Variants in LRRC4C observed in about 807,000 individuals in gnomAD.
LRRC4C encodes leucine rich repeat containing 4C.
In LRRC4C, 5 loss-of-function variants were observed where a neutral mutation model predicts 33.6. The ratio of observed to expected loss-of-function variants is 0.15; its 90% CI spans 0.08 to 0.31. The LOEUF is 0.31. Ranked by LOEUF, LRRC4C falls within the 10% of genes least tolerant of loss-of-function variation. LRRC4C has a pLI of 1.00. For missense variants in LRRC4C, 560 were observed against 796.7 expected (o/e 0.70, Z 3.58); for synonymous variants, 329 against 302.0 (o/e 1.09, Z -0.93).
At chr11:41,099,016 C>T (rs1406694816) in intron 1 of LRRC4C, among the ~76,000 whole-genome samples, 1 of 151,988 alleles carries the variant, frequency 6.6e-6, no homozygotes, top group Non-Finnish European at 1.5e-5. Context: ...TACTCTGACT[C>T]CACAGAAATA....
chr11:41,242,607 T>C (rs1565511090), intron 1 of LRRC4C, among the ~76,000 whole-genome samples: 1 of 152,192 alleles, frequency 6.6e-6, no homozygotes. Flanking sequence ...AAGCATCACA[T>C]GAATAATTTA....
At chr11:40,117,482 C>T (rs1470794362) in intron 6 of LRRC4C, among the ~76,000 whole-genome samples, 2 of 152,214 alleles carry the variant, frequency 1.3e-5, no homozygotes, top group East Asian at 3.9e-4. Context: ...TGTCTTGTGT[C>T]CCTACTCTTA....
intron 2 of LRRC4C, among the ~76,000 whole-genome samples, chr11:40,858,850 G>T (rs1243406788): frequency 6.6e-6 from 1 of 152,060 alleles, no homozygotes; most frequent in Non-Finnish European, 1.5e-5. Context: ...CCATTGTTCT[G>T]ATTATCTGGG....
At chr11:40,542,474 A>G (rs11035912) in intron 3 of LRRC4C, among the ~76,000 whole-genome samples, 13,533 of 152,042 alleles carry the variant, frequency 0.089, 1,723 homozygotes, top group African/African-American at 0.28. Context: ...GATTGTGGGT[A>G]TACCTTATAT....
intron 1 of LRRC4C, among the ~76,000 whole-genome samples, chr11:41,078,939 C>G (rs1939358894): frequency 6.6e-6 from 1 of 152,172 alleles, no homozygotes; most frequent in African/African-American, 2.4e-5. Context: ...CAATAACCTC[C>G]TAAAGTGTTT....
intron 2 of LRRC4C, among the ~76,000 whole-genome samples, chr11:40,702,846 ATC>A (rs1227022288): frequency 1.3e-5 from 2 of 152,112 alleles, no homozygotes; most frequent in African/African-American, 4.8e-5. Flanking sequence ...TGAATTCAAT[ATC>A]TTTGGACCCC....
chr11:41,346,121 A>G (rs1951796128), intron 1 of LRRC4C, among the ~76,000 whole-genome samples: 1 of 152,170 alleles, frequency 6.6e-6, no homozygotes, highest in African/African-American at 2.4e-5. Flanking sequence ...ATTATATTCT[A>G]TATCAGGCCC....
intron 2 of LRRC4C, among the ~76,000 whole-genome samples, chr11:40,803,914 A>G (rs577277135): frequency 8.5e-4 from 130 of 152,350 alleles, no homozygotes; most frequent in East Asian, 5.8e-4. Context: ...TTTGTGTTAC[A>G]AACAATCCAA....
intron 2 of LRRC4C, among the ~76,000 whole-genome samples, chr11:40,859,801 A>G (rs1231672842): frequency 6.6e-6 from 1 of 152,152 alleles, no homozygotes; most frequent in Non-Finnish European, 1.5e-5. Flanking sequence ...ATGAGGCCGG[A>G]CGCGGTGGCT....
At chr11:41,266,243 T>C (rs943347412) in intron 1 of LRRC4C, among the ~76,000 whole-genome samples, 3 of 152,142 alleles carry the variant, frequency 2.0e-5, no homozygotes, top group Non-Finnish European at 2.9e-5. Flanking sequence ...CAAGGGCAAA[T>C]AGCCTCTGAC....
At chr11:40,331,052 A>G (rs1202743507) in intron 3 of LRRC4C, among the ~76,000 whole-genome samples, 1 of 152,162 alleles carries the variant, frequency 6.6e-6, no homozygotes, top group Non-Finnish European at 1.5e-5. Flanking sequence ...AAGCTTTCAT[A>G]TATGAGTGAG....
At chr11:40,313,876 G>T (rs1359727924) in intron 4 of LRRC4C, among the ~76,000 whole-genome samples, 3 of 151,960 alleles carry the variant, frequency 2.0e-5, no homozygotes, top group Non-Finnish European at 4.4e-5. Flanking sequence ...GCCTCCCAAA[G>T]TGCTGGGATT....
At chr11:40,241,759 A>G (rs1865939572) in intron 4 of LRRC4C, 161 bp from the exon 5 acceptor site, 1 of 152,206 alleles carries the variant, frequency 6.6e-6, no homozygotes. Flanking sequence ...GGCACTATTG[A>G]TGTTCCAACT....
chr11:41,346,208 C>T (rs1239764448), intron 1 of LRRC4C, among the ~76,000 whole-genome samples: 4 of 152,130 alleles, frequency 2.6e-5, no homozygotes, highest in South Asian at 4.1e-4. Context: ...CAGTGTCAGT[C>T]GTTAATATTT....
At chr11:41,287,131 C>T (rs1245743114) in intron 1 of LRRC4C, among the ~76,000 whole-genome samples, 2 of 152,064 alleles carry the variant, frequency 1.3e-5, no homozygotes, top group African/African-American at 2.4e-5. Context: ...AGCATAAAAC[C>T]TTCTAACAAT....
intron 1 of LRRC4C, among the ~76,000 whole-genome samples, chr11:41,357,364 A>G (rs923606617): frequency 2.0e-5 from 3 of 152,206 alleles, no homozygotes; most frequent in Admixed American, 6.5e-5. Flanking sequence ...TTTCATGACA[A>G]TGTGAAACAG....
chr11:40,294,868 G>T (rs1944432016), intron 4 of LRRC4C, among the ~76,000 whole-genome samples: 1 of 151,948 alleles, frequency 6.6e-6, no homozygotes, highest in Admixed American at 6.6e-5. Context: ...AAAAGAATAG[G>T]CTCATCAGAA....
At chr11:40,525,496 C>T (rs12294696) in intron 3 of LRRC4C, among the ~76,000 whole-genome samples, 13,239 of 151,694 alleles carry the variant, frequency 0.087, 1,619 homozygotes, top group African/African-American at 0.28. Flanking sequence ...CCACAATTTA[C>T]ATTACTAAAA....
chr11:40,129,046 C>T (rs1565025380), intron 6 of LRRC4C, among the ~76,000 whole-genome samples: 1 of 152,078 alleles, frequency 6.6e-6, no homozygotes, highest in African/African-American at 2.4e-5. Flanking sequence ...CTTCCTTATT[C>T]AGCAGTATTC....
Sources: gnomAD v4.1 joint callset for allele counts (sites outside exome capture counted in the v4.1 genomes callset) on GRCh38, gnomAD v4.1.1 for gene constraint, MANE v1.5 for transcripts, NCBI Gene and HGNC (gene_info 2026-07-23, HGNC 2026-07-21) for gene names.